Variants in POLR3B observed in about 807,000 individuals in gnomAD.
The protein encoded by POLR3B is DNA-directed RNA polymerase III subunit RPC2.
POLR3B carries 96 observed loss-of-function variants against 147.4 expected under a neutral mutation model. That is an observed-to-expected ratio of 0.65 (90% CI 0.55 to 0.77). The LOEUF is 0.77. Among genes scored for constraint, POLR3B ranks in the 30% least tolerant of loss-of-function variants. The pLI is 0.00. For missense variants in POLR3B, 1,036 were observed against 1,413.5 expected, an observed-to-expected ratio of 0.73 and a Z score of 4.28; for synonymous variants, 461 against 485.9, an observed-to-expected ratio of 0.95 and a Z score of 0.67.
In POLR3B at chr12:106,480,541, A is replaced by G. The variant is rs544534027; in HGVS notation, c.2714-15514A>G. 7.2e-5 allele frequency among the ~76,000 whole-genome samples: 11 copies of G among 152,262 alleles called. No individual in the cohort carries two copies. In the South Asian group the frequency reaches 1.9e-3, roughly 26 times the overall value. On this transcript the variant is annotated intron_variant, in intron 23 of 27. Transcript: ENST00000228347. ...GCATAGACTTTAATTCCTCTGTATC[A>G]GGCTTTTGACCAGCCCACCCTCTGC...
chr12:106,496,090 C>CCATTTTGT lies in POLR3B; in HGVS notation c.2750_2757dup (p.Asp920HisfsTer13). On this transcript the variant is annotated frameshift_variant, in exon 24 of 28. Coordinates refer to ENST00000228347, the MANE Select transcript of POLR3B (RefSeq NM_018082.6). LOFTEE classifies it high-confidence loss of function. ...CTTGATCGTCCCCCAGGAAGACATG[C>CCATTTTGT]CATTTTGTGATTCTGGCATCTGTCC... is the stretch of plus-strand genomic sequence containing the variant. 1 of 1,612,634 alleles carries CCATTTTGT rather than the reference C, an allele frequency of 6.2e-7. No homozygotes were observed. The highest frequency in any genetic ancestry group is 1.3e-5 in the African/African-American group (1 of 74,994).
intron 6 of POLR3B, among the ~76,000 whole-genome samples, chr12:106,374,408 G>A (rs2136894637): frequency 6.6e-6 from 1 of 152,022 alleles, no homozygotes; most frequent in Non-Finnish European, 1.5e-5. Context: ...TAGAGACGGG[G>A]TTTCGCCATG....
At chr12:106,360,336 C>G (rs1316503922) in intron 1 of POLR3B, among the ~76,000 whole-genome samples, 1 of 152,194 alleles carries the variant, frequency 6.6e-6, no homozygotes, top group Admixed American at 6.5e-5. Flanking sequence ...CCAGTGCTTA[C>G]TTCTCTAGTC....
At chr12:106,382,271 A>G (rs551650491) in intron 9 of POLR3B, among the ~76,000 whole-genome samples, 1 of 152,292 alleles carries the variant, frequency 6.6e-6, no homozygotes, top group East Asian at 1.9e-4. Context: ...AGACAACCCT[A>G]GTCCTAAGGT....
At chr12:106,494,321 T>C (rs2038445230) in intron 23 of POLR3B, among the ~76,000 whole-genome samples, 1 of 152,150 alleles carries the variant, frequency 6.6e-6, no homozygotes, top group Admixed American at 6.5e-5. Context: ...CACCTTCTCT[T>C]GATGGAGGGT....
chr12:106,507,787 A>T (rs1217710359), intron 27 of POLR3B: 2 of 455,866 alleles, frequency 4.4e-6, no homozygotes, highest in Non-Finnish European at 8.8e-6. Context: ...GCACATTCTC[A>T]GCCTCAGTTC....
intron 9 of POLR3B, among the ~76,000 whole-genome samples, chr12:106,383,996 G>GAA: frequency 7.0e-6 from 1 of 143,126 alleles, no homozygotes. Flanking sequence ...AAAAGAGAGA[G>GAA]AAAAAAAAAA....
chr12:106,490,816 A>C (rs2038397328), intron 23 of POLR3B, among the ~76,000 whole-genome samples: 1 of 152,238 alleles, frequency 6.6e-6, no homozygotes, highest in Non-Finnish European at 1.5e-5. Context: ...ACCATGTCTT[A>C]ATAGGAACAG....
intron 6 of POLR3B, among the ~76,000 whole-genome samples, chr12:106,375,076 A>C (rs1319614545): frequency 6.6e-6 from 1 of 152,190 alleles, no homozygotes; most frequent in Non-Finnish European, 1.5e-5. Flanking sequence ...CCTCATTCTG[A>C]GTGAATACGT....
intron 10 of POLR3B, among the ~76,000 whole-genome samples, chr12:106,397,819 A>G (rs1463798566): frequency 6.6e-6 from 1 of 152,202 alleles, no homozygotes; most frequent in Non-Finnish European, 1.5e-5. Flanking sequence ...ATGTGTGGAC[A>G]TTTTCATTTC....
chr12:106,437,972 G>A (rs953313148), intron 18 of POLR3B, among the ~76,000 whole-genome samples, 193 bp downstream of exon 18: 1 of 152,110 alleles, frequency 6.6e-6, no homozygotes, highest in Admixed American at 6.5e-5. Context: ...GTGGTTTGCT[G>A]TACCTATCAA....
intron 10 of POLR3B, among the ~76,000 whole-genome samples, chr12:106,398,617 T>A (rs2037016171): frequency 6.6e-6 from 1 of 152,132 alleles, no homozygotes; most frequent in Non-Finnish European, 1.5e-5. Flanking sequence ...CACGGCCAGG[T>A]ACTCCTCTGA....
chr12:106,432,203 C>CA, intron 14 of POLR3B, 115 bp from the exon 15 acceptor site: 1 of 900,192 alleles, frequency 1.1e-6, no homozygotes, highest in Non-Finnish European at 1.9e-6. Flanking sequence ...GTATCCCCTA[C>CA]AAAGTTGTAC....
chr12:106,458,554 G>A (rs375428948), intron 21 of POLR3B, among the ~76,000 whole-genome samples: 5 of 152,216 alleles, frequency 3.3e-5, no homozygotes, highest in Non-Finnish European at 7.3e-5. Flanking sequence ...CTGTGGTGAA[G>A]GTGGAGAGAA....
In POLR3B at chr12:106,496,753, TG is replaced by T. The variant is rs1300618047; in HGVS notation, c.2823del (p.Lys942SerfsTer28). ...ACTTAATTTGTTCACATCCTGCAGG[TG>T]GGGAAGCTCATTGAGCTGCTGGCTG... is the stretch of plus-strand genomic sequence containing the variant. ...NPHGFPSRMT[V>X]GKLIELLAGK... On this transcript the variant is annotated frameshift_variant and splice_region_variant, in exon 25 of 28. Coordinates refer to ENST00000228347, the MANE Select transcript of POLR3B (RefSeq NM_018082.6). LOFTEE classifies it high-confidence loss of function. 1 of 1,613,772 alleles carries T rather than the reference TG, an allele frequency of 6.2e-7. No individual in the cohort carries two copies. The highest frequency in any genetic ancestry group is 8.5e-7 in the Non-Finnish European group (1 of 1,179,936).
intron 23 of POLR3B, among the ~76,000 whole-genome samples, chr12:106,475,230 A>T (rs2038149442): frequency 8.5e-6 from 1 of 117,010 alleles, no homozygotes; most frequent in South Asian, 2.5e-4. Context: ...GGTCTGAGAG[A>T]TAGTTTGTTA....
intron 23 of POLR3B, among the ~76,000 whole-genome samples, chr12:106,472,141 C>T (rs1363408185): frequency 7.8e-6 from 1 of 128,664 alleles, no homozygotes; most frequent in Non-Finnish European, 1.6e-5. Context: ...CGATAGTTTA[C>T]TGAGAATGAT....
intron 22 of POLR3B, among the ~76,000 whole-genome samples, chr12:106,463,042 G>C (rs2037961663): frequency 6.6e-6 from 1 of 151,984 alleles, no homozygotes; most frequent in Non-Finnish European, 1.5e-5. Context: ...CTGATACCTG[G>C]TAGATTTCTA....
intron 23 of POLR3B, among the ~76,000 whole-genome samples, chr12:106,477,265 C>T (rs1465176583): frequency 1.9e-5 from 2 of 102,658 alleles, no homozygotes; most frequent in African/African-American, 1.2e-4. Context: ...CCACTGCTCT[C>T]TTCAAAGCTG....
Sources: allele counts gnomAD v4.1 joint callset (sites outside exome capture counted in the v4.1 genomes callset), GRCh38; gene constraint gnomAD v4.1.1; transcripts MANE v1.5; gene names NCBI Gene and HGNC (gene_info 2026-07-23, HGNC 2026-07-21).